IL17F: variants seen among roughly 807,000 people sequenced by gnomAD.
The protein encoded by IL17F is interleukin-17F.
A neutral mutation model predicts 8.3 loss-of-function variants in IL17F; 6 were observed. That is an observed-to-expected ratio of 0.73 (90% CI 0.40 to 1.43). The LOEUF (loss-of-function observed/expected upper bound fraction) is 1.43, where lower values mean the gene tolerates loss of function less well. Ranked by LOEUF, IL17F falls within the 40% of genes most tolerant of loss-of-function variation. The pLI, the probability that IL17F is intolerant of heterozygous loss-of-function variation, is 0.02. For synonymous variants in IL17F, 98 were observed against 81.6 expected, an observed-to-expected ratio of 1.20 and a Z score of -1.08; for missense variants, 204 against 209.6, an observed-to-expected ratio of 0.97 and a Z score of 0.17.
At chr6:52,244,797 T>C (rs982754308), upstream of IL17F, among the ~76,000 whole-genome samples, 18 of 152,236 alleles carry the variant, frequency 1.2e-4, no homozygotes, top group Admixed American at 1.2e-3. Flanking sequence ...AAATCTTTTT[T>C]GTTCTTCCAC....
At chr6:52,237,667 C>T (rs1194725695) in intron 2 of IL17F, among the ~76,000 whole-genome samples, 1 of 152,114 alleles carries the variant, frequency 6.6e-6, no homozygotes, top group African/African-American at 2.4e-5. Flanking sequence ...ATAGGCCCCT[C>T]TGCCTGGAGG....
chr6:52,239,172 A>G (rs1022880535), intron 1 of IL17F: 16 of 553,500 alleles, frequency 2.9e-5, no homozygotes, highest in African/African-American at 2.1e-4. Flanking sequence ...GAAGCCCTCC[A>G]TAGTCTAAAA....
At chr6:52,241,004 C>G (rs148279241) in intron 1 of IL17F, among the ~76,000 whole-genome samples, 48 of 152,268 alleles carry the variant, frequency 3.2e-4, no homozygotes, top group Admixed American at 2.4e-3. Flanking sequence ...TTGTGCTACA[C>G]AGTGGACTAG....
In IL17F at chr6:52,240,949, G is replaced by A. The variant is rs575554266; in HGVS notation, c.34-1999C>T. Among the ~76,000 whole-genome samples the A allele has an allele frequency of 1.2e-4, 19 of 152,170 alleles. No homozygotes were observed. In the East Asian group the frequency reaches 3.1e-3, roughly 25 times the overall value. ...ATATAAATTATGAAGAACACTGGCA[G>A]CATATGATAAGTATCCAATACTGGC... is the stretch of plus-strand genomic sequence containing the variant. On this transcript the variant is annotated intron_variant, in intron 1 of 2. Transcript: ENST00000336123.
chr6:52,239,396 T>C (rs1195252295), intron 1 of IL17F, among the ~76,000 whole-genome samples: 1 of 152,204 alleles, frequency 6.6e-6, no homozygotes, highest in Non-Finnish European at 1.5e-5. Flanking sequence ...ATAGCTCTTG[T>C]TTTTATTTCC....
upstream of IL17F, among the ~76,000 whole-genome samples, chr6:52,245,452 C>A (rs1474831011): frequency 4.6e-5 from 7 of 152,200 alleles, no homozygotes; most frequent in Non-Finnish European, 1.0e-4. Context: ...TTAGGGAACA[C>A]TAATTTATAT....
At chr6:52,240,554 G>A (rs1764056012) in intron 1 of IL17F, among the ~76,000 whole-genome samples, 1 of 151,890 alleles carries the variant, frequency 6.6e-6, no homozygotes, top group African/African-American at 2.4e-5. Flanking sequence ...AGACATGTTG[G>A]TTTCAAAGGC....
chr6:52,236,971 C>T lies in IL17F; in HGVS notation c.452G>A (p.Gly151Asp). 6.2e-7 allele frequency: 1 copy of T among 1,614,082 alleles called. No homozygotes were observed. Among genetic ancestry groups the T allele is most frequent in the Non-Finnish European group, 8.5e-7 (1 of 1,179,942 alleles). The change falls in exon 3 of 3, where the codon GGC (glycine) becomes GAC (aspartate). Residue 151 changes from glycine (G) to aspartate (D), a missense_variant. Coordinates refer to ENST00000336123, the MANE Select transcript of IL17F (RefSeq NM_052872.4). The stretch of plus-strand genomic sequence containing the variant: ...GATGACAGGGGTGACGCAGGTGCAG[C>T]CAACAGTCACCAGCACCTTCTCCAA... ...FQLEKVLVTV[G>D]CTCVTPVIHH...
upstream of IL17F, among the ~76,000 whole-genome samples, chr6:52,245,470 T>C (rs1764144676): frequency 6.6e-6 from 1 of 152,212 alleles, no homozygotes. Context: ...TATTTACCAG[T>C]ATATTCTAAA....
upstream of IL17F, among the ~76,000 whole-genome samples, chr6:52,245,650 G>A (rs1012799135): frequency 1.3e-5 from 2 of 152,178 alleles, no homozygotes; most frequent in African/African-American, 2.4e-5. Context: ...CAAGTTCAGC[G>A]GTCCAAAGGC....
intron 2 of IL17F, 107 bp downstream of exon 2, chr6:52,238,623 A>AT (rs1448859524): frequency 1.4e-5 from 14 of 1,023,866 alleles, no homozygotes; most frequent in East Asian, 2.6e-5. Flanking sequence ...TGTTAAGAGG[A>AT]TTTTCCCTTT....
intron 1 of IL17F, among the ~76,000 whole-genome samples, chr6:52,240,170 C>G (rs1008375716): frequency 6.6e-6 from 1 of 152,202 alleles, no homozygotes; most frequent in Non-Finnish European, 1.5e-5. Flanking sequence ...GGTGCAGTGG[C>G]TCACGCCTGT....
At position 52,236,688 on chromosome 6, in the gene IL17F, A is replaced by C. The variant is rs1953325; in HGVS notation, c.*243T>G. On this transcript the variant is annotated 3_prime_UTR_variant, in exon 3 of 3. Coordinates refer to ENST00000336123, the MANE Select transcript of IL17F (RefSeq NM_052872.4). ...AAACAAACACCTGAAGTATTTTTAA[A>C]TTATTAATACTTTATTATATTAGCA... 0.058 allele frequency: 26,794 copies of C among 465,872 alleles called. 1,037 individuals carry two copies. Among genetic ancestry groups the C allele is most frequent in the Middle Eastern group, 0.076 (129 of 1,698 alleles). 28.9% of individuals were successfully genotyped at this position (465,872 alleles called of 1,614,324 possible).
chr6:52,242,656 C>T (rs1331819700), intron 1 of IL17F, among the ~76,000 whole-genome samples: 2 of 152,186 alleles, frequency 1.3e-5, no homozygotes, highest in African/African-American at 4.8e-5. Context: ...ATTGGTGTAC[C>T]AGTTCTTGTG....
rs1457897504 is a variant in IL17F at position 52,244,480 on chromosome 6, T to C, written c.-51A>G. 1.9e-6 allele frequency: 3 copies of C among 1,558,698 alleles called. No homozygotes were observed. Among genetic ancestry groups the C allele is most frequent in the Admixed American group, 1.7e-5 (1 of 59,968 alleles). On this transcript the variant is annotated 5_prime_UTR_variant, in exon 1 of 3. Coordinates refer to ENST00000336123, the MANE Select transcript of IL17F (RefSeq NM_052872.4). The stretch of plus-strand genomic sequence containing the variant: ...AGGAAGCTCTTTCTGTGAATGTATC[T>C]TCCTGTGTATGCCTGTGTTCTATCA...
intron 1 of IL17F, among the ~76,000 whole-genome samples, chr6:52,242,364 G>A (rs189231032): frequency 2.0e-5 from 3 of 152,284 alleles, no homozygotes; most frequent in Non-Finnish European, 4.4e-5. Context: ...ATGTAAGCAT[G>A]CACCTGGCCA....
At chr6:52,238,997 A>C (rs924267058) in intron 1 of IL17F, 47 bp from the exon 2 acceptor site, 1 of 1,525,266 alleles carries the variant, frequency 6.6e-7, no homozygotes, top group African/African-American at 1.4e-5. Flanking sequence ...CGCCTCACCT[A>C]CTAGCAAGAG....
In IL17F at chr6:52,244,430, G is replaced by A. The variant is rs753588337; in HGVS notation, c.-1C>T. 1 of 1,614,046 alleles carries A rather than the reference G, an allele frequency of 6.2e-7. No homozygotes were observed. The highest frequency in any genetic ancestry group is 1.7e-5 in the Admixed American group (1 of 60,022). ...GGCCATGCAGGGTCTTCACTGTCAT[G>A]TTGCGCTGGTGGCTTACTTTGTGCA... On this transcript the variant is annotated 5_prime_UTR_variant, in exon 1 of 3. Coordinates refer to ENST00000336123, the MANE Select transcript of IL17F (RefSeq NM_052872.4).
chr6:52,244,720 A>T (rs1486657851), upstream of IL17F, among the ~76,000 whole-genome samples: 1 of 152,142 alleles, frequency 6.6e-6, no homozygotes, highest in Non-Finnish European at 1.5e-5. Context: ...TTCCACCCCC[A>T]TTGCCCACAA....
Sources: gnomAD v4.1 joint callset for allele counts (sites outside exome capture counted in the v4.1 genomes callset) on GRCh38, gnomAD v4.1.1 for gene constraint, MANE v1.5 for transcripts, NCBI Gene and HGNC (gene_info 2026-07-23, HGNC 2026-07-21) for gene names.